The following PALM2AKAP2 variants were observed in gnomAD, a reference collection of about 807,000 sequenced individuals.
PALM2AKAP2 encodes PALM2 and AKAP2 fusion, also known as PALM2-AKAP2 fusion protein.
PALM2AKAP2 carries 37 observed loss-of-function variants against 71.5 expected under a neutral mutation model. That is an observed-to-expected ratio of 0.52 (90% confidence interval 0.40 to 0.68). PALM2AKAP2 has a LOEUF of 0.68. Ranked by LOEUF, PALM2AKAP2 falls within the 30% of genes least tolerant of loss-of-function variation. The pLI is 0.00. For missense variants in PALM2AKAP2, 1,224 were observed against 1,191.8 expected (o/e 1.03, Z -0.40); for synonymous variants, 468 against 478.8 (o/e 0.98, Z 0.29).
intron 6 of PALM2AKAP2, among the ~76,000 whole-genome samples, chr9:110,003,172 G>T (rs1010126941): frequency 1.3e-5 from 2 of 151,874 alleles, no homozygotes; most frequent in African/African-American, 2.4e-5. Flanking sequence ...GGCATTTAGT[G>T]CTATAAATTT....
chr9:109,990,524 G>T (rs2132235035), intron 6 of PALM2AKAP2, among the ~76,000 whole-genome samples: 1 of 152,284 alleles, frequency 6.6e-6, no homozygotes, highest in African/African-American at 2.4e-5. Flanking sequence ...ACCCCAAGTT[G>T]ATCCTAGTCT....
intron 1 of PALM2AKAP2, among the ~76,000 whole-genome samples, chr9:109,683,458 A>G: frequency 6.6e-6 from 1 of 152,114 alleles, no homozygotes; most frequent in East Asian, 1.9e-4. Flanking sequence ...AGGATTGCTA[A>G]CCTCCACCAG....
chr9:110,154,985 C>T (rs965749022), intron 2 of PALM2AKAP2, among the ~76,000 whole-genome samples: 4 of 152,154 alleles, frequency 2.6e-5, no homozygotes, highest in African/African-American at 7.2e-5. Flanking sequence ...GAATATGAAA[C>T]GATGATCTAT....
chr9:110,125,446 G>A, intron 1 of PALM2AKAP2: 1 of 955,876 alleles, frequency 1.0e-6, no homozygotes, highest in Non-Finnish European at 1.2e-6. Flanking sequence ...TGGCCTTTTA[G>A]GGAGCAGAGG....
intron 1 of PALM2AKAP2, among the ~76,000 whole-genome samples, chr9:109,757,571 C>T (rs766079667): frequency 2.8e-4 from 42 of 152,054 alleles, no homozygotes; most frequent in Admixed American, 3.3e-4. Context: ...TATCACATAG[C>T]AAGTTATATA....
chr9:109,732,036 G>A (rs1186393614), intron 1 of PALM2AKAP2, among the ~76,000 whole-genome samples: 1 of 152,190 alleles, frequency 6.6e-6, no homozygotes. Context: ...GCCTTCAGCA[G>A]GAGCCACTTT....
chr9:110,114,777 C>T (rs182313536), intron 1 of PALM2AKAP2, among the ~76,000 whole-genome samples: 3 of 152,138 alleles, frequency 2.0e-5, no homozygotes, highest in Non-Finnish European at 2.9e-5. Context: ...AAGCAAATGG[C>T]GATCCCTTCC....
At chr9:109,649,043 C>T (rs1404698386) in intron 1 of PALM2AKAP2, among the ~76,000 whole-genome samples, 4 of 152,002 alleles carry the variant, frequency 2.6e-5, no homozygotes, top group African/African-American at 7.3e-5. Flanking sequence ...ACTCCCATCC[C>T]TCCCACTCCT....
intron 1 of PALM2AKAP2, among the ~76,000 whole-genome samples, chr9:110,135,188 T>TATATATATATATATATATATA (rs1484544851): frequency 1.1e-5 from 1 of 93,540 alleles, no homozygotes; most frequent in African/African-American, 4.4e-5. Flanking sequence ...TATATATATA[T>TATATATATATATATATATATA]AAATCAGCCA....
In PALM2AKAP2 at chr9:109,695,627, A is replaced by G. The variant is rs147559993; in HGVS notation, c.5+54761A>G. Among the ~76,000 whole-genome samples, 9 of 152,212 alleles carry G rather than the reference A, an allele frequency of 5.9e-5. 1 individual carries two copies. In the East Asian group the frequency reaches 1.3e-3, roughly 23 times the overall value. ...GTAATGTCTATTCAGGTTTTCCCACATGTCCGTCAATGAATGAATGAGTAA... is the reference window on the plus strand; with the variant it reads ...GTAATGTCTATTCAGGTTTTCCCACGTGTCCGTCAATGAATGAATGAGTAA... On this transcript the variant is annotated intron_variant, in intron 1 of 6. Transcript: ENST00000374531.
intron 1 of PALM2AKAP2, among the ~76,000 whole-genome samples, chr9:109,831,591 G>A (rs1828302503): frequency 6.6e-6 from 1 of 152,248 alleles, no homozygotes; most frequent in South Asian, 2.1e-4. Context: ...TAGACACTGG[G>A]CTCCTTTCTG....
chr9:109,679,129 A>G (rs1346300580), intron 1 of PALM2AKAP2, among the ~76,000 whole-genome samples: 1 of 152,208 alleles, frequency 6.6e-6, no homozygotes, highest in East Asian at 1.9e-4. Flanking sequence ...GCTTCTCATG[A>G]GTTTTCCAGA....
chr9:110,074,361 A>G (rs1473560233), intron 1 of PALM2AKAP2, among the ~76,000 whole-genome samples: 2 of 152,164 alleles, frequency 1.3e-5, no homozygotes, highest in Non-Finnish European at 2.9e-5. Context: ...ACAAGGAAAG[A>G]CTAAGAAAGT....
chr9:109,772,395 T>G (rs1564142023), intron 1 of PALM2AKAP2, among the ~76,000 whole-genome samples: 1 of 152,170 alleles, frequency 6.6e-6, no homozygotes, highest in South Asian at 2.1e-4. Context: ...GTGGGATAAA[T>G]TTAGCTCTGA....
intron 6 of PALM2AKAP2, among the ~76,000 whole-genome samples, chr9:109,982,199 A>G (rs773711559): frequency 1.3e-5 from 2 of 152,256 alleles, no homozygotes; most frequent in African/African-American, 2.4e-5. Context: ...AGCTAGTCAT[A>G]GAAAGACAAA....
intron 1 of PALM2AKAP2, among the ~76,000 whole-genome samples, chr9:110,060,676 A>G (rs903757942): frequency 1.8e-4 from 27 of 152,256 alleles, no homozygotes; most frequent in African/African-American, 6.0e-4. Context: ...ATCTCGGCTC[A>G]CTGCAACCTC....
chr9:110,139,692 C>T (rs1267678515), intron 2 of PALM2AKAP2, among the ~76,000 whole-genome samples: 1 of 152,146 alleles, frequency 6.6e-6, no homozygotes, highest in Non-Finnish European at 1.5e-5. Flanking sequence ...TCACTCTTCT[C>T]ATTAACTTTT....
At chr9:109,643,289 A>G (rs1827099867) in intron 1 of PALM2AKAP2, among the ~76,000 whole-genome samples, 2 of 152,204 alleles carry the variant, frequency 1.3e-5, no homozygotes, top group Admixed American at 1.3e-4. Context: ...ATTTTCTTAG[A>G]CATGGAGACT....
At chr9:110,032,760 A>AAAAAAAAT (rs1243057723) in intron 7 of PALM2AKAP2, among the ~76,000 whole-genome samples, 1 of 111,566 alleles carries the variant, frequency 9.0e-6, no homozygotes, top group African/African-American at 2.9e-5. Context: ...ATAAAAAAAC[A>AAAAAAAAT]AAAAAAATAA....
Sources: gnomAD v4.1 joint callset for allele counts (sites outside exome capture counted in the v4.1 genomes callset) on GRCh38, gnomAD v4.1.1 for gene constraint, MANE v1.5 for transcripts, NCBI Gene and HGNC (gene_info 2026-07-23, HGNC 2026-07-21) for gene names.